Variants in FGR observed in about 807,000 individuals in gnomAD.
FGR encodes the protein tyrosine-protein kinase Fgr.
FGR carries 26 observed loss-of-function variants against 63.2 expected under a neutral mutation model. The observed-to-expected ratio is 0.41, with a 90% confidence interval of 0.30 to 0.57. The LOEUF (loss-of-function observed/expected upper bound fraction) is 0.57. Among genes scored for constraint, FGR ranks in the 20% least tolerant of loss-of-function variants. FGR has a pLI of 0.27. For synonymous variants in FGR, 286 were observed against 277.7 expected, an observed-to-expected ratio of 1.03 and a Z score of -0.30; for missense variants, 511 against 690.8, an observed-to-expected ratio of 0.74 and a Z score of 2.92.
rs1373856540 is a variant in FGR, at chr1:27,615,736, G to A, written c.791C>T (p.Thr264Met). Residue 264 changes from threonine (T) to methionine (M), a missense_variant, in exon 8 of 13, where the codon ACG becomes ATG. Coordinates refer to ENST00000374005, the MANE Select transcript of FGR (RefSeq NM_005248.3). The surrounding 1 kb of genome is among the most constrained non-coding windows in gnomAD (Gnocchi z 7.6). ...GCCGGTGCCCAGCCGGCGCTCCAGC[G>A]TGATGGAGCTGCGGCTGATCTCCCA... ...DAWEISRSSI[T>M]LERRLGTGCF... The A allele has an allele frequency of 5.0e-6, 8 of 1,610,052 alleles. No individual in the cohort carries two copies. Among genetic ancestry groups the A allele is most frequent in the Non-Finnish European group, 3.4e-6 (4 of 1,177,982 alleles).
intron 10 of FGR, 67 bp downstream of exon 10, chr1:27,614,783 G>A: frequency 4.1e-6 from 6 of 1,473,740 alleles, no homozygotes; most frequent in Non-Finnish European, 4.7e-6. Context: ...GCGTTTGAAG[G>A]GACAGAGAAT....
chr1:27,631,553 A>T (rs913342204), intron 1 of FGR, among the ~76,000 whole-genome samples: 1 of 152,236 alleles, frequency 6.6e-6, no homozygotes, highest in Admixed American at 6.5e-5. Context: ...GAGCGGCAGC[A>T]TCTTTGCCTA....
intron 4 of FGR, 66 bp downstream of exon 4, chr1:27,622,976 G>T: frequency 8.8e-7 from 1 of 1,130,320 alleles, no homozygotes. Flanking sequence ...GGGACCAGGT[G>T]GGATTCCTGT....
rs148642368 is a variant in FGR at position 27,615,890 on chromosome 1, C to T, written c.683-46G>A. 18,973 of 1,511,718 alleles carry T rather than the reference C, an allele frequency of 0.013. 136 individuals carry two copies. The highest frequency in any genetic ancestry group is 0.027 in the Middle Eastern group (150 of 5,634). 93.6% of individuals were successfully genotyped at this position (1,511,718 alleles called of 1,614,324 possible). A position where few individuals can be genotyped will look rare whatever the true frequency, so the allele number is the denominator to read the frequency against. On this transcript the variant is annotated intron_variant, in intron 7 of 12. Coordinates refer to ENST00000374005, the MANE Select transcript of FGR (RefSeq NM_005248.3). This position sits in a 1 kb window ranked among gnomAD's most constrained non-coding sequence, Gnocchi z 7.6. ...TAGAGTCACAGGTGGGCCAGGACAC[C>T]CCCCTCCACTCCTTATCCTATCCCA...
In FGR at chr1:27,616,883, A is replaced by C; in HGVS notation, c.656T>G (p.Val219Gly). The change falls in exon 7 of 13, where the codon GTG becomes GGG. Residue 219 changes from valine (V) to glycine (G), a missense_variant. Coordinates refer to ENST00000374005, the MANE Select transcript of FGR (RefSeq NM_005248.3). This position sits in a 1 kb window ranked among gnomAD's most constrained non-coding sequence, Gnocchi z 4.3. ...CATGTAGTGCTGCACCAGCTCCTGC[A>C]CCGAGTTGAACTGAACCCGTGTGGT... is the stretch of plus-strand genomic sequence containing the variant. ...YITTRVQFNS[V>G]QELVQHYMEV... 4 of 1,614,140 alleles carry C rather than the reference A, an allele frequency of 2.5e-6. No individual in the cohort carries two copies. Among genetic ancestry groups the C allele is most frequent in the Non-Finnish European group, 3.4e-6 (4 of 1,180,026 alleles).
At position 27,632,140 on chromosome 1, in the gene FGR, C is replaced by CT. The variant is rs71739634; in HGVS notation, c.-77+2924dup. On this transcript the variant is annotated intron_variant, in intron 1 of 12. Transcript: ENST00000374005. ...CTTTGTTCTTCTTCTTCTTCTTCTT[C>CT]TTTTTTTTTTTTTTGAAACAGTGTC... Among the ~76,000 whole-genome samples the CT allele has an allele frequency of 5.5e-3, 775 of 140,034 alleles. 4 individuals are homozygous for CT. The highest frequency in any genetic ancestry group is 6.5e-3 in the Non-Finnish European group (416 of 64,338). The allele number at this position is 140,034 out of a possible 152,430, so 91.9% of individuals were successfully genotyped here. A position where few individuals can be genotyped will look rare whatever the true frequency, so the allele number is the denominator to read the frequency against.
chr1:27,618,231 C>T (rs2089851361), intron 5 of FGR, among the ~76,000 whole-genome samples: 1 of 152,088 alleles, frequency 6.6e-6, no homozygotes, highest in South Asian at 2.1e-4. Context: ...ACTGTATAGA[C>T]AGGACACATT....
chr1:27,623,934 A>G lies in FGR; in HGVS notation c.-13-5T>C. 1 of 1,570,782 alleles carries G rather than the reference A, an allele frequency of 6.4e-7. No homozygotes were observed. ...CAGCCCATTCCAGGTTCCCTGCTACAGAATGGGGCATGCCTCACTCAAGGA... is the reference window on the plus strand; with the variant it reads ...CAGCCCATTCCAGGTTCCCTGCTACGGAATGGGGCATGCCTCACTCAAGGA... On this transcript the variant is annotated splice_region_variant and splice_polypyrimidine_tract_variant and intron_variant, in intron 2 of 12. Coordinates refer to ENST00000374005, the MANE Select transcript of FGR (RefSeq NM_005248.3).
chr1:27,624,614 T>A (rs1490719811), intron 2 of FGR, among the ~76,000 whole-genome samples: 5 of 152,150 alleles, frequency 3.3e-5, no homozygotes, highest in African/African-American at 1.2e-4. Context: ...TTTGTGTGTA[T>A]ACGAGAGTGT....
chr1:27,631,429 C>T (rs951123202), intron 1 of FGR, among the ~76,000 whole-genome samples: 1 of 152,208 alleles, frequency 6.6e-6, no homozygotes, highest in African/African-American at 2.4e-5. Flanking sequence ...CACAGGATGT[C>T]CTGCCCCCGC....
chr1:27,623,904 A>C lies in FGR; in HGVS notation c.13T>G (p.Phe5Val). 1 of 1,599,138 alleles carries C rather than the reference A, an allele frequency of 6.3e-7. No individual in the cohort carries two copies. The highest frequency in any genetic ancestry group is 8.5e-7 in the Non-Finnish European group (1 of 1,170,752). ...GCCACCGGCTCCAATTTCTTGCAGAACACACAGCCCATTCCAGGTTCCCTG... is the reference window on the plus strand; with the variant it reads ...GCCACCGGCTCCAATTTCTTGCAGACCACACAGCCCATTCCAGGTTCCCTG... MGCV[F>V]CKKLEPVATA... The change falls in exon 3 of 13, where the codon TTC becomes GTC. Residue 5 changes from phenylalanine to valine, a missense_variant. Physicochemically the swap from Phe to Val is conservative, Grantham distance 50. Coordinates refer to ENST00000374005, the MANE Select transcript of FGR (RefSeq NM_005248.3).
intron 11 of FGR, among the ~76,000 whole-genome samples, chr1:27,613,804 G>A (rs2089746182): frequency 6.6e-6 from 1 of 152,014 alleles, no homozygotes; most frequent in Admixed American, 6.6e-5. Context: ...GAAAGGACAT[G>A]GTATCTAGTC....
chr1:27,616,373 C>T lies in FGR; in HGVS notation c.682+484G>A, dbSNP rs2089812962. On this transcript the variant is annotated intron_variant, in intron 7 of 12. Transcript: ENST00000374005. This position sits in a 1 kb window ranked among gnomAD's most constrained non-coding sequence, Gnocchi z 4.3. Reference sequence around the variant, plus strand: ...CTCCACTGCCACCGATTTAGTCTGGCCTCCACCACCTCTCACCTGGACAAC... The same window carrying T: ...CTCCACTGCCACCGATTTAGTCTGGTCTCCACCACCTCTCACCTGGACAAC... Among the ~76,000 whole-genome samples, 1 of 152,242 alleles carries T rather than the reference C, an allele frequency of 6.6e-6. No homozygotes were observed. The highest frequency in any genetic ancestry group is 2.1e-4 in the South Asian group (1 of 4,836).
In FGR at chr1:27,621,638, C is replaced by A. The variant is rs2089928887; in HGVS notation, c.349G>T (p.Ala117Ser). Residue 117 changes from alanine (A) to serine (S), a missense_variant, in exon 5 of 13, where the codon GCT becomes TCT. Transcript: ENST00000374005. ...LNNTEGDWWE[A>S]RSLSSGKTGC... ...GTTTTTCCGGAGCTGAGAGACCGAG[C>A]CTCCCACCAGTCACCTTCACTGTAG... The A allele has an allele frequency of 1.2e-6, 2 of 1,613,694 alleles. No homozygotes were observed. Among genetic ancestry groups the A allele is most frequent in the African/African-American group, 1.3e-5 (1 of 74,870 alleles).
chr1:27,618,424 C>T (rs984036095), intron 5 of FGR, among the ~76,000 whole-genome samples: 3 of 152,178 alleles, frequency 2.0e-5, no homozygotes, highest in Admixed American at 2.0e-4. Flanking sequence ...ATTAGACAGT[C>T]AGGGCAGCAG....
intron 1 of FGR, among the ~76,000 whole-genome samples, chr1:27,633,819 A>G (rs2090139620): frequency 6.6e-6 from 1 of 152,164 alleles, no homozygotes; most frequent in Admixed American, 6.6e-5. Flanking sequence ...AGGCTCGCTG[A>G]GTCAGGGATA....
At chr1:27,633,393 C>G (rs182128617) in intron 1 of FGR, among the ~76,000 whole-genome samples, 1 of 152,142 alleles carries the variant, frequency 6.6e-6, no homozygotes, top group South Asian at 2.1e-4. Context: ...AGTACACACC[C>G]GAGGGGCGGC....
Position 27,612,532 on chromosome 1 carries a change from G to A in FGR, c.*382C>T, listed in dbSNP as rs2089714431. 2 of 186,566 alleles carry A rather than the reference G, an allele frequency of 1.1e-5. No individual in the cohort carries two copies. The highest frequency in any genetic ancestry group is 5.4e-5 in the Admixed American group (1 of 18,380). 11.6% of individuals were successfully genotyped at this position (186,566 alleles called of 1,614,324 possible). ...GTAGAAGGGAAATTCTTGGCACCTG[G>A]ACTAGAGTGAGATAAAAGGAGAGTA... On this transcript the variant is annotated 3_prime_UTR_variant, in exon 13 of 13. Transcript: ENST00000374005.
intron 1 of FGR, among the ~76,000 whole-genome samples, chr1:27,628,507 A>C (rs1214100115): frequency 1.2e-3 from 92 of 73,992 alleles, no homozygotes; most frequent in African/African-American, 1.9e-3. Context: ...CCCACCCCCC[A>C]TGTAGGGATA....
Sources: allele counts gnomAD v4.1 joint callset (sites outside exome capture counted in the v4.1 genomes callset), GRCh38; gene constraint gnomAD v4.1.1; non-coding constraint Gnocchi (gnomAD v3.1); transcripts MANE v1.5; gene names NCBI Gene and HGNC (gene_info 2026-07-23, HGNC 2026-07-21).